The following GRK7 variants were observed in gnomAD, a reference collection of about 807,000 sequenced individuals.
GRK7 encodes rhodopsin kinase GRK7.
Under a neutral mutation model 34.1 loss-of-function variants are expected in GRK7, and 24 were observed. The ratio of observed to expected loss-of-function variants is 0.70; its 90% confidence interval spans 0.51 to 0.99. The LOEUF is 0.99. GRK7 is among the 50% of genes least tolerant of loss of function. The pLI is 0.00. For synonymous variants in GRK7, 256 were observed against 279.4 expected (o/e 0.92, Z 0.84); for missense variants, 644 against 707.3 (o/e 0.91, Z 1.02).
the GRK7 span, among the ~76,000 whole-genome samples, chr3:141,756,258 G>A: frequency 6.0e-5 from 9 of 150,876 alleles, no homozygotes; most frequent in Non-Finnish European, 1.2e-4. Context: ...GTTGCAGTGA[G>A]CTGAGATCGT....
At chr3:141,805,939 G>A (rs1711031742) in intron 4 of GRK7, among the ~76,000 whole-genome samples, 1 of 152,136 alleles carries the variant, frequency 6.6e-6, no homozygotes, top group South Asian at 2.1e-4. Flanking sequence ...TGGGACTACA[G>A]GCACACACCA....
upstream of GRK7, among the ~76,000 whole-genome samples, chr3:141,758,922 G>A (rs1185821345): frequency 4.1e-5 from 6 of 147,786 alleles, no homozygotes; most frequent in African/African-American, 1.5e-4. Flanking sequence ...AAGCAATTGT[G>A]AATGGGAGTT....
At chr3:141,792,967 G>A (rs768649180) in intron 4 of GRK7, among the ~76,000 whole-genome samples, 7 of 152,290 alleles carry the variant, frequency 4.6e-5, no homozygotes, top group African/African-American at 9.6e-5. Context: ...AGCCAATCAC[G>A]TGGAGGCTTC....
At chr3:141,754,798 G>A in the GRK7 span, among the ~76,000 whole-genome samples, 1 of 152,122 alleles carries the variant, frequency 6.6e-6, no homozygotes, top group Non-Finnish European at 1.5e-5. Context: ...GGTAGTTGCT[G>A]CTACATATAC....
At chr3:141,788,159 T>TG (rs1255776287) in intron 4 of GRK7, among the ~76,000 whole-genome samples, 1 of 152,110 alleles carries the variant, frequency 6.6e-6, no homozygotes, top group Non-Finnish European at 1.5e-5. Flanking sequence ...TGTGCCTCCC[T>TG]GGGGGGGCAC....
chr3:141,771,555 G>A (rs1338566260), intron 1 of GRK7, among the ~76,000 whole-genome samples: 3 of 151,856 alleles, frequency 2.0e-5, no homozygotes, highest in South Asian at 2.1e-4. Context: ...TAAGAAGGTG[G>A]GAGCAGGGGT....
At chr3:141,806,347 G>T (rs1230635252) in intron 4 of GRK7, among the ~76,000 whole-genome samples, 2 of 152,100 alleles carry the variant, frequency 1.3e-5, no homozygotes, top group East Asian at 3.9e-4. Flanking sequence ...AGGATCACTT[G>T]AGGTCAGGGG....
At chr3:141,805,002 TCA>T (rs778515004) in intron 4 of GRK7, among the ~76,000 whole-genome samples, 9 of 140,240 alleles carry the variant, frequency 6.4e-5, no homozygotes, top group African/African-American at 1.3e-4. Context: ...ACACATACAC[TCA>T]CACACACTCA....
chr3:141,806,487 T>G (rs1264422709), intron 4 of GRK7, among the ~76,000 whole-genome samples: 1 of 151,950 alleles, frequency 6.6e-6, no homozygotes, highest in Non-Finnish European at 1.5e-5. Context: ...GGCTTGAACC[T>G]AGGAGGTAGA....
rs1173215742 is a variant in GRK7, at chr3:141,780,635, C to T, written c.874C>T (p.Arg292Trp). The change falls in exon 4 of 6, where the codon CGG becomes TGG. Residue 292 changes from arginine to tryptophan, a missense_variant. Arg to Trp is a moderately radical substitution (Grantham distance 101). Transcript: ENST00000682958. ...GGGCACGCGTGGCCTGGACATGAGCCGGGTGATCTTTTACTCGGCCCAGAT... is the reference window on the plus strand; with the variant it reads ...GGGCACGCGTGGCCTGGACATGAGCTGGGTGATCTTTTACTCGGCCCAGAT... ...NVGTRGLDMS[R>W]VIFYSAQIAC... is the part of the protein sequence containing the mutation. 5 of 1,614,196 alleles carry T rather than the reference C, an allele frequency of 3.1e-6. No homozygotes were observed. Among genetic ancestry groups the T allele is most frequent in the South Asian group, 1.1e-5 (1 of 91,088 alleles).
intron 4 of GRK7, among the ~76,000 whole-genome samples, chr3:141,782,154 C>T (rs1308924487): frequency 6.6e-6 from 1 of 152,174 alleles, no homozygotes; most frequent in African/African-American, 2.4e-5. Context: ...GATTAGATTT[C>T]TGTCTTAAAA....
chr3:141,817,033 G>A lies in GRK7; in HGVS notation c.1645G>A (p.Val549Met), dbSNP rs142088051. The change falls in exon 6 of 6, where the codon GTG becomes ATG. Residue 549 changes from valine to methionine, a missense_variant. Transcript: ENST00000682958. ...GGAGGGTAATTCATCCAAGTCTGGC[G>A]TGTGTTTGTTATTGTAAATTGCTCT... ...CEEGNSSKSGVCLLL is the reference protein window; with the variant it reads ...CEEGNSSKSGMCLLL The A allele has an allele frequency of 8.0e-5, 128 of 1,602,392 alleles. No homozygotes were observed. In the African/African-American group the frequency reaches 9.5e-4, roughly 12 times the overall value.
At position 141,807,752 on chromosome 3, in the gene GRK7, T is replaced by G. The variant is rs1711050653; in HGVS notation, c.1158T>G (p.Ala386=). The stretch of plus-strand genomic sequence containing the variant: ...GATGCAGCATTTATGAAATGGTTGC[T>G]GGACGAACACCATTCAAAGATTACA... ...AMGCSIYEMV[A]GRTPFKDYKE... The change falls in exon 5 of 6, where the codon GCT becomes GCG. Residue 386 remains alanine, a synonymous_variant. Transcript: ENST00000682958. 6.2e-7 allele frequency: 1 copy of G among 1,614,044 alleles called. No individual in the cohort carries two copies.
At chr3:141,806,268 A>AATTC (rs1188629982) in intron 4 of GRK7, among the ~76,000 whole-genome samples, 1 of 152,134 alleles carries the variant, frequency 6.6e-6, no homozygotes, top group African/African-American at 2.4e-5. Flanking sequence ...TCGCTCTCTG[A>AATTC]AAAGTCCGAG....
At chr3:141,805,917 C>T (rs1711031630) in intron 4 of GRK7, among the ~76,000 whole-genome samples, 1 of 152,180 alleles carries the variant, frequency 6.6e-6, no homozygotes, top group Middle Eastern at 3.2e-3. Context: ...CCATTTCAGC[C>T]TTTTGAGTAG....
Position 141,778,348 on chromosome 3 carries a change from C to A in GRK7, c.64C>A (p.Pro22Thr), listed in dbSNP as rs1254198859. The A allele has an allele frequency of 1.2e-6, 2 of 1,609,170 alleles. No individual in the cohort carries two copies. The highest frequency in any genetic ancestry group is 1.7e-5 in the Admixed American group (1 of 59,808). Residue 22 changes from proline (P) to threonine (T), a missense_variant, in exon 3 of 6, where the codon CCC becomes ACC. Pro to Thr is a conservative substitution (Grantham distance 38, BLOSUM62 -1). Transcript: ENST00000682958. This position sits in a 1 kb window ranked among gnomAD's most constrained non-coding sequence, Gnocchi z 4.1. Reference protein sequence around the residue: ...ANTAYLQARKPSDCDSKELQR... With the variant: ...ANTAYLQARKTSDCDSKELQR... ...CACCGCCTACCTGCAGGCCCGGAAGCCCTCGGACTGCGACAGCAAAGAGCT... is the reference window on the plus strand; with the variant it reads ...CACCGCCTACCTGCAGGCCCGGAAGACCTCGGACTGCGACAGCAAAGAGCT...
At chr3:141,773,133 C>G (rs2084623725) in intron 1 of GRK7, among the ~76,000 whole-genome samples, 1 of 18,728 alleles carries the variant, frequency 5.3e-5, no homozygotes, top group African/African-American at 3.3e-4. Flanking sequence ...GAGACTTTGT[C>G]TCAAAAAAAA....
At chr3:141,809,818 A>T (rs1487639547) in intron 5 of GRK7, among the ~76,000 whole-genome samples, 1 of 152,042 alleles carries the variant, frequency 6.6e-6, no homozygotes, top group African/African-American at 2.4e-5. Flanking sequence ...ATAGACATAG[A>T]TTCATGTCCC....
At position 141,763,469 on chromosome 3, in the gene GRK7, A is replaced by G. The variant is rs1243765301; in HGVS notation, c.-2484A>G. Among the ~76,000 whole-genome samples the G allele has an allele frequency of 1.3e-5, 2 of 152,190 alleles. No individual in the cohort carries two copies. The highest frequency in any genetic ancestry group is 4.8e-5 in the African/African-American group (2 of 41,442). ...AGCAAAGTCTGGGGGGCCTCAGATCAGCCCAACCCTCTGCCAGCTCCACCT... is the reference window on the plus strand; with the variant it reads ...AGCAAAGTCTGGGGGGCCTCAGATCGGCCCAACCCTCTGCCAGCTCCACCT... On this transcript the variant is annotated 5_prime_UTR_variant, in exon 1 of 6. Coordinates refer to ENST00000682958, the MANE Select transcript of GRK7 (RefSeq NM_139209.3).
Sources: gnomAD v4.1 joint callset for allele counts (sites outside exome capture counted in the v4.1 genomes callset) on GRCh38, gnomAD v4.1.1 for gene constraint, Gnocchi (gnomAD v3.1) non-coding constraint, MANE v1.5 for transcripts, NCBI Gene and HGNC (gene_info 2026-07-23, HGNC 2026-07-21) for gene names.